GLI3: variants seen among roughly 807,000 people sequenced by gnomAD.
GLI3 encodes GLI family zinc finger 3.
In GLI3, 20 loss-of-function variants were observed where a neutral mutation model predicts 100.8. The ratio of observed to expected loss-of-function variants is 0.20; its 90% CI spans 0.14 to 0.29. The LOEUF (loss-of-function observed/expected upper bound fraction) is 0.29. GLI3 is among the 10% of genes least tolerant of loss of function. The pLI is 1.00. For synonymous variants in GLI3, 938 were observed against 860.5 expected, an observed-to-expected ratio of 1.09 and a Z score of -1.58; for missense variants, 2,040 against 2,128.5, an observed-to-expected ratio of 0.96 and a Z score of 0.82.
At chr7:42,019,011 T>C (rs1300493455) in intron 10 of GLI3, among the ~76,000 whole-genome samples, 3 of 152,160 alleles carry the variant, frequency 2.0e-5, no homozygotes, top group African/African-American at 4.8e-5. Flanking sequence ...TTAAAATCAT[T>C]TGACTTTTTA....
intron 3 of GLI3, among the ~76,000 whole-genome samples, chr7:42,093,784 G>A (rs1257802312): frequency 2.6e-5 from 4 of 152,076 alleles, no homozygotes; most frequent in Admixed American, 6.5e-5. Context: ...TTAAGAGCTA[G>A]AGAACACTCC....
chr7:42,181,631 C>A (rs573659451), intron 2 of GLI3, among the ~76,000 whole-genome samples: 2 of 152,044 alleles, frequency 1.3e-5, no homozygotes, highest in African/African-American at 4.8e-5. Flanking sequence ...ACAACAAAAA[C>A]AAAAACAAAA....
intron 4 of GLI3, among the ~76,000 whole-genome samples, chr7:42,068,862 C>CA (rs1784728053): frequency 6.6e-6 from 1 of 152,140 alleles, no homozygotes; most frequent in African/African-American, 2.4e-5. Flanking sequence ...AACCTAACCT[C>CA]AAAGTGTCTT....
chr7:42,103,012 T>C (rs964883085), intron 3 of GLI3, among the ~76,000 whole-genome samples: 1 of 152,192 alleles, frequency 6.6e-6, no homozygotes, highest in African/African-American at 2.4e-5. Context: ...AGTGAACATG[T>C]ACTAACTCAC....
At chr7:42,134,906 T>C (rs911837255) in intron 3 of GLI3, among the ~76,000 whole-genome samples, 1 of 152,056 alleles carries the variant, frequency 6.6e-6, no homozygotes. Flanking sequence ...AAACGCAGCA[T>C]CGGCATATGT....
intron 2 of GLI3, among the ~76,000 whole-genome samples, chr7:42,201,142 ATAAC>A (rs1340247336): frequency 6.6e-6 from 1 of 152,204 alleles, no homozygotes. Context: ...ATTAACAACA[ATAAC>A]TAATAATAAA....
chr7:42,007,811 C>T (rs1459216813), intron 10 of GLI3, among the ~76,000 whole-genome samples: 1 of 152,118 alleles, frequency 6.6e-6, no homozygotes, highest in Non-Finnish European at 1.5e-5. Context: ...CATTCTTACC[C>T]CATGTCAGTT....
intron 2 of GLI3, among the ~76,000 whole-genome samples, chr7:42,180,442 G>C (rs182504750): frequency 9.3e-4 from 142 of 152,330 alleles, no homozygotes; most frequent in African/African-American, 3.2e-3. Context: ...GTGGCAGCTG[G>C]TGAGATGAAC....
chr7:42,064,833 A>C (rs1784642460), intron 4 of GLI3, among the ~76,000 whole-genome samples: 1 of 152,198 alleles, frequency 6.6e-6, no homozygotes, highest in South Asian at 2.1e-4. Context: ...CTCTGTGAAG[A>C]AGCAGCTTGA....
At chr7:42,148,133 G>GCA (rs1468490905) in intron 3 of GLI3, 93 bp downstream of exon 3, 15 of 1,149,014 alleles carry the variant, frequency 1.3e-5, no homozygotes, top group Middle Eastern at 2.9e-4. Context: ...TTCATAAAGC[G>GCA]CGCACACACA....
At chr7:42,254,881 A>C (rs923135801) in intron 1 of GLI3, among the ~76,000 whole-genome samples, 1 of 151,640 alleles carries the variant, frequency 6.6e-6, no homozygotes, top group Non-Finnish European at 1.5e-5. Flanking sequence ...TGATTTTTCT[A>C]AATGCCAGAT....
chr7:42,027,354 AT>A (rs1395760867), intron 7 of GLI3, among the ~76,000 whole-genome samples: 3 of 152,196 alleles, frequency 2.0e-5, no homozygotes, highest in Non-Finnish European at 4.4e-5. Flanking sequence ...TTTTAAAAAA[AT>A]AATCAGTGAA....
intron 4 of GLI3, among the ~76,000 whole-genome samples, chr7:42,062,706 CACACAG>C (rs1015914400): frequency 3.5e-4 from 40 of 113,614 alleles, no homozygotes; most frequent in African/African-American, 1.5e-3. Context: ...ATTATACACA[CACACAG>C]ACACACACAC....
intron 2 of GLI3, among the ~76,000 whole-genome samples, chr7:42,153,373 T>A (rs778918555): frequency 1.3e-5 from 2 of 152,130 alleles, no homozygotes. Flanking sequence ...AAATGAACAA[T>A]TGCGGGTATA....
intron 3 of GLI3, among the ~76,000 whole-genome samples, chr7:42,125,691 C>A (rs924789743): frequency 6.6e-6 from 1 of 152,142 alleles, no homozygotes; most frequent in African/African-American, 2.4e-5. Flanking sequence ...CATTTGAGAG[C>A]AAAGAAAAAC....
At position 41,992,730 on chromosome 7, in the gene GLI3, G is replaced by A. The variant is rs76300713; in HGVS notation, c.1498-13982C>T. Among the ~76,000 whole-genome samples the A allele has an allele frequency of 1.6e-4, 24 of 152,280 alleles. No individual in the cohort carries two copies. The East Asian group carries it at 4.4e-3, about 28-fold the overall frequency. On this transcript the variant is annotated intron_variant, in intron 10 of 14. Coordinates refer to ENST00000395925, the MANE Select transcript of GLI3 (RefSeq NM_000168.6). ...CAGTAAATGGCAGGGGACAGAGCAT[G>A]TCATCATGTGGGGTGTCTTTGGAGG...
chr7:42,240,554 G>C (rs935379329), upstream of GLI3, among the ~76,000 whole-genome samples: 1 of 152,086 alleles, frequency 6.6e-6, no homozygotes, highest in African/African-American at 2.4e-5. Context: ...GGTGTCCCGT[G>C]GCTTGCAGCT....
chr7:42,022,501 G>A (rs1375615873), intron 10 of GLI3, among the ~76,000 whole-genome samples: 1 of 152,184 alleles, frequency 6.6e-6, no homozygotes, highest in Non-Finnish European at 1.5e-5. Context: ...AAGAGAAAAA[G>A]AGAGAGAGCA....
At chr7:42,020,596 G>A (rs958691297) in intron 10 of GLI3, among the ~76,000 whole-genome samples, 1 of 152,118 alleles carries the variant, frequency 6.6e-6, no homozygotes, top group African/African-American at 2.4e-5. Context: ...GGTTGTATGT[G>A]GCATGAAAAT....
Sources: gnomAD v4.1 joint callset for allele counts (sites outside exome capture counted in the v4.1 genomes callset) on GRCh38, gnomAD v4.1.1 for gene constraint, MANE v1.5 for transcripts, NCBI Gene and HGNC (gene_info 2026-07-23, HGNC 2026-07-21) for gene names.